ZNF385B: variants seen among roughly 807,000 people sequenced by gnomAD.
The protein encoded by ZNF385B is zinc finger protein 533.
Under a neutral mutation model 39.2 loss-of-function variants are expected in ZNF385B, and 23 were observed. The ratio of observed to expected loss-of-function variants is 0.59; its 90% CI spans 0.42 to 0.83. ZNF385B has a LOEUF of 0.83. Among genes scored for constraint, ZNF385B ranks in the 40% least tolerant of loss-of-function variants. ZNF385B has a pLI of 0.00. For synonymous variants in ZNF385B, 205 were observed against 222.6 expected (o/e 0.92, Z 0.70); for missense variants, 552 against 598.9 (o/e 0.92, Z 0.82).
At chr2:179,777,534 ATAAC>A (rs1012970057) in intron 1 of ZNF385B, among the ~76,000 whole-genome samples, 10 of 152,128 alleles carry the variant, frequency 6.6e-5, no homozygotes, top group African/African-American at 1.9e-4. Flanking sequence ...AGATTATACT[ATAAC>A]TAATATTTGT....
chr2:179,526,005 C>T (rs999166969), intron 4 of ZNF385B, among the ~76,000 whole-genome samples: 7 of 148,944 alleles, frequency 4.7e-5, no homozygotes, highest in African/African-American at 1.5e-4. Flanking sequence ...CAAATGATTG[C>T]ATATTGTTGG....
intron 3 of ZNF385B, among the ~76,000 whole-genome samples, chr2:179,588,884 AC>A (rs1383188160): frequency 6.6e-6 from 1 of 152,202 alleles, no homozygotes; most frequent in Non-Finnish European, 1.5e-5. Context: ...GGCAAATGTC[AC>A]AAAAAACAAG....
At chr2:179,545,962 G>C (rs2060205472) in intron 3 of ZNF385B, among the ~76,000 whole-genome samples, 1 of 152,002 alleles carries the variant, frequency 6.6e-6, no homozygotes, top group African/African-American at 2.4e-5. Context: ...ACTATAGTCA[G>C]CTTGTTGTGC....
chr2:179,485,022 G>T (rs2054419623), intron 5 of ZNF385B, among the ~76,000 whole-genome samples: 1 of 152,144 alleles, frequency 6.6e-6, no homozygotes, highest in Non-Finnish European at 1.5e-5. Flanking sequence ...GTTATGTAGA[G>T]AAGGTCACCA....
At chr2:179,642,747 C>T (rs1277605229) in intron 3 of ZNF385B, among the ~76,000 whole-genome samples, 1 of 152,124 alleles carries the variant, frequency 6.6e-6, no homozygotes, top group Non-Finnish European at 1.5e-5. Flanking sequence ...TAGTTTTTGT[C>T]TTTATCACCA....
chr2:179,689,097 T>C (rs1489721948), intron 3 of ZNF385B, among the ~76,000 whole-genome samples: 1 of 152,132 alleles, frequency 6.6e-6, no homozygotes, highest in African/African-American at 2.4e-5. Flanking sequence ...CATAATAAAA[T>C]AAATGTAGTT....
chr2:179,648,395 C>T (rs1005100828), intron 3 of ZNF385B, among the ~76,000 whole-genome samples: 1 of 152,070 alleles, frequency 6.6e-6, no homozygotes, highest in African/African-American at 2.4e-5. Flanking sequence ...AGAGTATACT[C>T]TGTGGTGTCA....
At chr2:179,563,770 A>G (rs1364929291) in intron 3 of ZNF385B, among the ~76,000 whole-genome samples, 1 of 152,140 alleles carries the variant, frequency 6.6e-6, no homozygotes, top group East Asian at 1.9e-4. Context: ...ATTACAGTAT[A>G]ATTATAGTCA....
intron 3 of ZNF385B, among the ~76,000 whole-genome samples, chr2:179,617,032 G>T (rs966632293): frequency 1.3e-5 from 2 of 152,074 alleles, no homozygotes; most frequent in Non-Finnish European, 2.9e-5. Flanking sequence ...TTTTAGTGTG[G>T]TGTCTGTTAC....
chr2:179,805,989 T>A (rs774760326), intron 1 of ZNF385B, among the ~76,000 whole-genome samples: 1 of 152,156 alleles, frequency 6.6e-6, no homozygotes, highest in Non-Finnish European at 1.5e-5. Flanking sequence ...TGGGAGAGTA[T>A]CTTTAATAGC....
intron 3 of ZNF385B, among the ~76,000 whole-genome samples, chr2:179,656,050 A>T (rs969932985): frequency 3.3e-5 from 5 of 152,168 alleles, no homozygotes; most frequent in African/African-American, 7.2e-5. Flanking sequence ...GTTTAAAGAA[A>T]TATTAGAAGT....
intron 3 of ZNF385B, among the ~76,000 whole-genome samples, chr2:179,619,135 A>G (rs934753873): frequency 6.6e-6 from 1 of 152,158 alleles, no homozygotes; most frequent in African/African-American, 2.4e-5. Context: ...TGAGCATGGA[A>G]TAGATGCCAA....
intron 3 of ZNF385B, among the ~76,000 whole-genome samples, chr2:179,726,326 G>A (rs74474926): frequency 0.02 from 3,020 of 151,874 alleles, 89 homozygotes; most frequent in African/African-American, 0.067. Flanking sequence ...CATATCCTTT[G>A]TGTGTTTCCT....
At chr2:179,817,784 T>C (rs1178489510) in intron 1 of ZNF385B, among the ~76,000 whole-genome samples, 2 of 152,084 alleles carry the variant, frequency 1.3e-5, no homozygotes, top group Admixed American at 1.3e-4. Flanking sequence ...CATGTGCATG[T>C]GTGTCTGTGT....
chr2:179,689,032 T>C (rs1196388140), intron 3 of ZNF385B, among the ~76,000 whole-genome samples: 4 of 152,200 alleles, frequency 2.6e-5, no homozygotes, highest in Non-Finnish European at 5.9e-5. Context: ...TGACATTGCC[T>C]CTAACCGCAG....
intron 3 of ZNF385B, among the ~76,000 whole-genome samples, chr2:179,759,880 G>C (rs1703262559): frequency 6.6e-6 from 1 of 152,024 alleles, no homozygotes; most frequent in Non-Finnish European, 1.5e-5. Context: ...CAAGGGTTCT[G>C]TTTCCTATTA....
chr2:179,473,994 C>T (rs13006274), intron 6 of ZNF385B, among the ~76,000 whole-genome samples: 41,184 of 151,938 alleles, frequency 0.27, 5,771 homozygotes, highest in East Asian at 0.44. Context: ...CTAATCTGTC[C>T]GACTTCAAGC....
At chr2:179,516,453 ATTTG>A (rs1441783475) in intron 5 of ZNF385B, among the ~76,000 whole-genome samples, 1 of 152,098 alleles carries the variant, frequency 6.6e-6, no homozygotes, top group Non-Finnish European at 1.5e-5. Context: ...GATCCTATCA[ATTTG>A]TTTAATTTTC....
chr2:179,608,558 C>G (rs1180277077), intron 3 of ZNF385B, among the ~76,000 whole-genome samples: 1 of 152,126 alleles, frequency 6.6e-6, no homozygotes, highest in Admixed American at 6.5e-5. Context: ...TTTTACTCTC[C>G]TGGGCTTGTG....
Sources: allele counts gnomAD v4.1 joint callset (sites outside exome capture counted in the v4.1 genomes callset), GRCh38; gene constraint gnomAD v4.1.1; transcripts MANE v1.5; gene names NCBI Gene and HGNC (gene_info 2026-07-23, HGNC 2026-07-21).